Variants in GSE1 observed in about 807,000 individuals in gnomAD.
GSE1 encodes the protein Gse1 coiled-coil protein, also known as genetic suppressor element 1.
GSE1 carries 32 observed loss-of-function variants against 112.6 expected under a neutral mutation model. The observed-to-expected ratio is 0.28, with a 90% confidence interval of 0.21 to 0.38. GSE1 has a LOEUF of 0.38. GSE1 is among the 10% of genes least tolerant of loss of function. The probability of loss-of-function intolerance (pLI) is 1.00; values close to 1 mark genes in which losing one functional copy is unlikely to be tolerated. For synonymous variants in GSE1, 1,115 were observed against 735.6 expected (o/e 1.52, Z -8.35); for missense variants, 2,348 against 1,699.2 (o/e 1.38, Z -6.71).
chr16:85,485,059 G>C (rs554876904), intron 2 of GSE1, among the ~76,000 whole-genome samples: 3 of 152,248 alleles, frequency 2.0e-5, no homozygotes, highest in Non-Finnish European at 2.9e-5. Flanking sequence ...CAGGCTACCC[G>C]TTGTCCAGAT....
chr16:85,298,855 G>A (rs758635158), intron 1 of GSE1, among the ~76,000 whole-genome samples: 1 of 152,288 alleles, frequency 6.6e-6, no homozygotes, highest in Non-Finnish European at 1.5e-5. Flanking sequence ...ACTTTCGGGA[G>A]TGGGTGTGGG....
At chr16:85,455,411 GA>G (rs2049799456) in intron 2 of GSE1, among the ~76,000 whole-genome samples, 4 of 146,952 alleles carry the variant, frequency 2.7e-5, no homozygotes, top group Admixed American at 6.8e-5. Context: ...GAGAAAGAAA[GA>G]AAAGAAAAGA....
chr16:85,236,191 T>C (rs1345785158), intron 1 of GSE1, among the ~76,000 whole-genome samples: 1 of 152,094 alleles, frequency 6.6e-6, no homozygotes, highest in African/African-American at 2.4e-5. Flanking sequence ...TGGGACCGGC[T>C]CTTGGGGCCC....
At chr16:85,321,587 G>A (rs1030297938) in intron 1 of GSE1, among the ~76,000 whole-genome samples, 19 of 152,082 alleles carry the variant, frequency 1.2e-4, no homozygotes, top group South Asian at 8.3e-4. Context: ...AGTGAGCCAC[G>A]ATCATGCTGC....
intron 2 of GSE1, among the ~76,000 whole-genome samples, chr16:85,451,734 G>GCGC (rs1332667755): frequency 3.1e-5 from 4 of 127,280 alleles, no homozygotes; most frequent in Admixed American, 1.7e-4. Flanking sequence ...GTTGGTGTGT[G>GCGC]TGCTGGTGGT....
intron 1 of GSE1, among the ~76,000 whole-genome samples, chr16:85,345,067 G>A (rs933680627): frequency 1.3e-5 from 2 of 151,928 alleles, no homozygotes; most frequent in Non-Finnish European, 2.9e-5. Flanking sequence ...GGCGTACACC[G>A]TGCCCCACCT....
rs192328506 is a variant in GSE1 at position 85,623,792 on chromosome 16, C to T, written c.8-10122C>T. On this transcript the variant is annotated intron_variant, in intron 1 of 15. Transcript: ENST00000253458. Reference sequence around the variant, plus strand: ...GGACCCCTCTTCGAAGGCCAGGTGGCCCTTTCTGCCCCCGCGCCACCTCCC... The same window carrying T: ...GGACCCCTCTTCGAAGGCCAGGTGGTCCTTTCTGCCCCCGCGCCACCTCCC... Among the ~76,000 whole-genome samples the T allele has an allele frequency of 4.3e-3, 660 of 152,296 alleles. 7 individuals are homozygous for T. The highest frequency in any genetic ancestry group is 0.015 in the African/African-American group (619 of 41,558).
intron 1 of GSE1, among the ~76,000 whole-genome samples, chr16:85,261,116 C>A (rs1222567346): frequency 6.6e-6 from 1 of 152,228 alleles, no homozygotes; most frequent in African/African-American, 2.4e-5. Flanking sequence ...ACCACCCCCG[C>A]CTGGAGGGCC....
intron 1 of GSE1, among the ~76,000 whole-genome samples, chr16:85,260,053 A>G (rs755398909): frequency 6.6e-6 from 1 of 152,140 alleles, no homozygotes; most frequent in Non-Finnish European, 1.5e-5. Flanking sequence ...GAGGCAGTGG[A>G]GGAGGGGGCT....
chr16:85,444,328 A>C (rs1184791168), intron 2 of GSE1, among the ~76,000 whole-genome samples: 1 of 152,206 alleles, frequency 6.6e-6, no homozygotes, highest in Admixed American at 6.5e-5. Context: ...AGCAAAGGCA[A>C]CCAGGGGACA....
At chr16:85,349,220 C>T (rs538353947) in intron 1 of GSE1, among the ~76,000 whole-genome samples, 3 of 152,200 alleles carry the variant, frequency 2.0e-5, no homozygotes. Flanking sequence ...CAATCTCCCC[C>T]TGACCCGAAG....
chr16:85,346,892 G>C (rs62048506), intron 1 of GSE1, among the ~76,000 whole-genome samples: 2 of 150,648 alleles, frequency 1.3e-5, no homozygotes, highest in African/African-American at 4.9e-5. Flanking sequence ...ATGAGCGGAT[G>C]GATGGTGGAC....
chr16:85,554,331 G>C (rs553587114), upstream of GSE1, among the ~76,000 whole-genome samples: 59 of 152,214 alleles, frequency 3.9e-4, no homozygotes, highest in African/African-American at 1.3e-3. Flanking sequence ...GGGGAGGAGA[G>C]ATACAGGCTC....
intron 1 of GSE1, among the ~76,000 whole-genome samples, chr16:85,293,407 G>A (rs1459072488): frequency 6.6e-6 from 1 of 152,104 alleles, no homozygotes; most frequent in Non-Finnish European, 1.5e-5. Flanking sequence ...TCAGCTGGGC[G>A]TGGTGGTGTG....
chr16:85,391,363 G>A (rs1420555564), intron 2 of GSE1, among the ~76,000 whole-genome samples: 1 of 152,208 alleles, frequency 6.6e-6, no homozygotes, highest in East Asian at 1.9e-4. Context: ...GTCCCCTGCG[G>A]CTGCCGTAAC....
At chr16:85,254,416 C>A (rs905854237) in intron 1 of GSE1, among the ~76,000 whole-genome samples, 1 of 152,220 alleles carries the variant, frequency 6.6e-6, no homozygotes, top group African/African-American at 2.4e-5. Flanking sequence ...TCTCCCACAG[C>A]GCCTCGCACA....
intron 1 of GSE1, among the ~76,000 whole-genome samples, chr16:85,602,541 C>T (rs1314103599): frequency 6.6e-6 from 1 of 152,086 alleles, no homozygotes; most frequent in Non-Finnish European, 1.5e-5. Flanking sequence ...CCACATCTGT[C>T]CTGGGCCTAG....
intron 1 of GSE1, among the ~76,000 whole-genome samples, chr16:85,270,842 G>A (rs954401947): frequency 4.6e-5 from 7 of 152,124 alleles, no homozygotes; most frequent in African/African-American, 1.2e-4. Context: ...TGGCTCCTCC[G>A]GCAGCCCATC....
chr16:85,237,971 TTGAATGAATGAA>T (rs528777934), intron 1 of GSE1, among the ~76,000 whole-genome samples: 1 of 151,854 alleles, frequency 6.6e-6, no homozygotes, highest in Non-Finnish European at 1.5e-5. Flanking sequence ...TCATCACTAG[TTGAATGAATGAA>T]TGAATGAATG....
Sources: gnomAD v4.1 joint callset for allele counts (sites outside exome capture counted in the v4.1 genomes callset) on GRCh38, gnomAD v4.1.1 for gene constraint, MANE v1.5 for transcripts, NCBI Gene and HGNC (gene_info 2026-07-23, HGNC 2026-07-21) for gene names.